The following KLHL14 variants were observed in gnomAD, a reference collection of about 807,000 sequenced individuals.
KLHL14 encodes kelch like family member 14, also known as kelch-like protein 14.
A neutral mutation model predicts 64.3 loss-of-function variants in KLHL14; 22 were observed. That is an observed-to-expected ratio of 0.34 (90% CI 0.24 to 0.49). The LOEUF is 0.49. Ranked by LOEUF, KLHL14 falls within the 20% of genes least tolerant of loss-of-function variation. The pLI, the probability that KLHL14 is intolerant of heterozygous loss-of-function variation, is 0.99. For missense variants in KLHL14, 661 were observed against 789.0 expected (o/e 0.84, Z 1.94); for synonymous variants, 322 against 333.4 (o/e 0.97, Z 0.37).
chr18:32,728,184 T>C (rs2144517323), intron 3 of KLHL14, among the ~76,000 whole-genome samples: 1 of 152,370 alleles, frequency 6.6e-6, no homozygotes, highest in East Asian at 1.9e-4. Context: ...AATGCTGAAG[T>C]AGCCTGTCTC....
At chr18:32,748,230 G>C (rs1056313216) in intron 2 of KLHL14, among the ~76,000 whole-genome samples, 1 of 152,008 alleles carries the variant, frequency 6.6e-6, no homozygotes, top group Non-Finnish European at 1.5e-5. Context: ...TTATTTTTTT[G>C]AGATGGAGTT....
chr18:32,746,833 C>T (rs1389026018), intron 2 of KLHL14, among the ~76,000 whole-genome samples: 1 of 152,158 alleles, frequency 6.6e-6, no homozygotes, highest in South Asian at 2.1e-4. Flanking sequence ...TAGCAAGTTA[C>T]CAGGATCAAC....
rs1568088161 is a variant in KLHL14 at position 32,770,622 on chromosome 18, A to C, written c.-31T>G. The C allele has an allele frequency of 2.0e-5, 22 of 1,099,856 alleles. No homozygotes were observed. The highest frequency in any genetic ancestry group is 3.5e-5 in the African/African-American group (2 of 57,084). 68.1% of individuals were successfully genotyped at this position (1,099,856 alleles called of 1,614,324 possible). On this transcript the variant is annotated 5_prime_UTR_variant, in exon 2 of 9. Transcript: ENST00000359358. The surrounding 1 kb of genome is among the most constrained non-coding windows in gnomAD (Gnocchi z 6.7). ...GCTGACTCGGTGCACCTGGCTTTAA[A>C]CCCTCCTCCAACCTGGCAGACAGGG...
At chr18:32,693,413 C>CACACACACACGCACAGAGAG (rs1229737083) in intron 4 of KLHL14, among the ~76,000 whole-genome samples, 1 of 97,018 alleles carries the variant, frequency 1.0e-5, no homozygotes, top group African/African-American at 4.8e-5. Context: ...CACACACACA[C>CACACACACACGCACAGAGAG]AGAGAGAGAG....
chr18:32,680,168 C>T lies in KLHL14; in HGVS notation c.1588+1G>A. ...AAAAAACAAAACAACAAAAAAAAGACCTTTCAAATGATTTCCTCCAATTGC... is the reference window on the plus strand; with the variant it reads ...AAAAAACAAAACAACAAAAAAAAGATCTTTCAAATGATTTCCTCCAATTGC... On this transcript the variant is annotated splice_donor_variant, in intron 7 of 8. Transcript: ENST00000359358. LOFTEE classifies it high-confidence loss of function. This position sits in a 1 kb window ranked among gnomAD's most constrained non-coding sequence, Gnocchi z 4.8. The T allele has an allele frequency of 6.2e-7, 1 of 1,612,680 alleles. No individual in the cohort carries two copies. Among genetic ancestry groups the T allele is most frequent in the East Asian group, 2.2e-5 (1 of 44,814 alleles).
At chr18:32,717,690 A>G (rs555687983) in intron 3 of KLHL14, among the ~76,000 whole-genome samples, 1 of 152,320 alleles carries the variant, frequency 6.6e-6, no homozygotes, top group South Asian at 2.1e-4. Flanking sequence ...CTCGTCTGTC[A>G]TATAGATCAA....
chr18:32,754,214 C>T (rs935153960), intron 2 of KLHL14, among the ~76,000 whole-genome samples: 3 of 152,146 alleles, frequency 2.0e-5, no homozygotes, highest in Non-Finnish European at 2.9e-5. Context: ...GTGATGGACT[C>T]GTAAGTAATG....
intron 2 of KLHL14, among the ~76,000 whole-genome samples, chr18:32,750,011 T>C (rs1045952139): frequency 1.3e-5 from 2 of 151,992 alleles, no homozygotes. Context: ...TTCCCATTTC[T>C]GTTCTCATAT....
intron 3 of KLHL14, among the ~76,000 whole-genome samples, chr18:32,717,857 T>C (rs2050054186): frequency 6.6e-6 from 1 of 152,214 alleles, no homozygotes; most frequent in South Asian, 2.1e-4. Context: ...TGACTTGACA[T>C]ACTGAAGACT....
chr18:32,752,342 C>A (rs572733300), intron 2 of KLHL14, among the ~76,000 whole-genome samples: 13 of 152,018 alleles, frequency 8.6e-5, no homozygotes, highest in Admixed American at 6.6e-5. Context: ...AAGGAAAAAG[C>A]GTATTTCTGA....
In KLHL14 at chr18:32,677,190, C is replaced by T. The variant is rs1457517501; in HGVS notation, c.1729G>A (p.Gly577Ser). 1 of 1,612,452 alleles carries T rather than the reference C, an allele frequency of 6.2e-7. No individual in the cohort carries two copies. The highest frequency in any genetic ancestry group is 8.5e-7 in the Non-Finnish European group (1 of 1,179,324). ...VLDDSIYLVG[G>S]YSWSMGAYKS... ...ACACATACCATACTCCAGCTGTAGC[C>T]TCCCACAAGGTAAATGCTGTCATCA... Residue 577 changes from glycine (G) to serine (S), a missense_variant, in exon 8 of 9, where the codon GGC becomes AGC. Around this residue, in one of 2 missense-constraint regions of KLHL14, gnomAD observed 330 missense variants for 450.0 expected, o/e 0.73. Coordinates refer to ENST00000359358, the MANE Select transcript of KLHL14 (RefSeq NM_020805.3).
chr18:32,695,928 A>AG (rs1382441796), intron 3 of KLHL14, among the ~76,000 whole-genome samples: 1 of 152,164 alleles, frequency 6.6e-6, no homozygotes, highest in Non-Finnish European at 1.5e-5. Context: ...TCTTGGAAGA[A>AG]GTAACCCTGA....
chr18:32,759,396 A>G (rs1266225456), intron 2 of KLHL14, among the ~76,000 whole-genome samples: 1 of 152,124 alleles, frequency 6.6e-6, no homozygotes, highest in Non-Finnish European at 1.5e-5. Context: ...AGAAAGGCAA[A>G]TATATATATA....
chr18:32,743,451 C>T (rs185174286), intron 2 of KLHL14: 4 of 152,326 alleles, frequency 2.6e-5, no homozygotes, highest in Admixed American at 2.6e-4. Flanking sequence ...ACTCTGGTGC[C>T]ATTGAATGCA....
intron 2 of KLHL14, among the ~76,000 whole-genome samples, chr18:32,768,432 C>CA (rs2050358737): frequency 6.9e-6 from 1 of 145,962 alleles, no homozygotes; most frequent in African/African-American, 2.5e-5. Flanking sequence ...CACACACACA[C>CA]CATTTAATTC....
intron 3 of KLHL14, chr18:32,738,761 T>G (rs2050179680): frequency 6.6e-6 from 1 of 152,144 alleles, no homozygotes; most frequent in African/African-American, 2.4e-5. Context: ...ATTTGAATGT[T>G]GTTTTCTTCG....
At chr18:32,698,719 G>A (rs775161647) in intron 3 of KLHL14, among the ~76,000 whole-genome samples, 10 of 152,152 alleles carry the variant, frequency 6.6e-5, no homozygotes, top group Non-Finnish European at 1.3e-4. Context: ...AAACAAACAG[G>A]TAGTGCTAGG....
intron 3 of KLHL14, among the ~76,000 whole-genome samples, chr18:32,714,335 G>A (rs1212554895): frequency 6.6e-6 from 1 of 152,068 alleles, no homozygotes; most frequent in Non-Finnish European, 1.5e-5. Flanking sequence ...ATTTAAAGAA[G>A]CAATTCATTT....
At chr18:32,687,127 G>A (rs368170715) in intron 5 of KLHL14, 28 bp downstream of exon 5, 353 of 1,584,032 alleles carry the variant, frequency 2.2e-4, no homozygotes, top group South Asian at 1.2e-3. Context: ...CGTCACAAAC[G>A]TTTCAGGTGC....
Sources: gnomAD v4.1 joint callset for allele counts (sites outside exome capture counted in the v4.1 genomes callset) on GRCh38, gnomAD v4.1.1 for gene constraint, gnomAD v4.1.1 regional missense constraint, Gnocchi (gnomAD v3.1) non-coding constraint, MANE v1.5 for transcripts, NCBI Gene and HGNC (gene_info 2026-07-23, HGNC 2026-07-21) for gene names.